PLCL2: variants seen among roughly 807,000 people sequenced by gnomAD.
PLCL2 encodes the protein inactive phospholipase C-like protein 2.
Under a neutral mutation model 79.6 loss-of-function variants are expected in PLCL2, and 4 were observed. The ratio of observed to expected loss-of-function variants is 0.05; its 90% confidence interval spans 0.02 to 0.11. The LOEUF (loss-of-function observed/expected upper bound fraction) is 0.11. PLCL2 is among the 10% of genes least tolerant of loss of function. The probability of loss-of-function intolerance (pLI) is 1.00; values close to 1 mark genes in which losing one functional copy is unlikely to be tolerated. For synonymous variants in PLCL2, 484 were observed against 457.7 expected (o/e 1.06, Z -0.73); for missense variants, 895 against 1,291.0 (o/e 0.69, Z 4.70).
chr3:16,890,720 TA>T (rs1055498251), intron 1 of PLCL2, among the ~76,000 whole-genome samples: 154 of 152,342 alleles, frequency 1.0e-3, no homozygotes, highest in African/African-American at 3.6e-3. Flanking sequence ...CTGCGACTGT[TA>T]TGTTTGTAAG....
In PLCL2 at chr3:17,009,844, T is replaced by G; in HGVS notation, c.498T>G (p.Asp166Glu). ...TTTATCATAGGTACTTTTTACTGGA[T>G]GCTGACATGCAGAGCCTAAGGTGGG... ...SRIYHRYFLL[D>E]ADMQSLRWEP... is the part of the protein sequence containing the mutation. Residue 166 changes from aspartate to glutamate, a missense_variant, in exon 2 of 6, where the codon GAT (aspartate) becomes GAG (glutamate). By Grantham distance (45) the Asp-to-Glu change is conservative (BLOSUM62 2). Transcript: ENST00000615277. This position sits in a 1 kb window ranked among gnomAD's most constrained non-coding sequence, Gnocchi z 4.0. 1 of 1,613,872 alleles carries G rather than the reference T, an allele frequency of 6.2e-7. No homozygotes were observed.
chr3:16,989,499 C>G (rs977848777), intron 1 of PLCL2, among the ~76,000 whole-genome samples: 3 of 152,038 alleles, frequency 2.0e-5, no homozygotes, highest in Non-Finnish European at 2.9e-5. Flanking sequence ...ATCTCCATAA[C>G]TTTTATATTG....
intron 1 of PLCL2, among the ~76,000 whole-genome samples, chr3:16,993,204 A>G (rs2064121355): frequency 6.6e-6 from 1 of 152,200 alleles, no homozygotes; most frequent in African/African-American, 2.4e-5. Context: ...CATATGTTTC[A>G]GTTTGCCCAG....
chr3:16,969,237 C>T (rs548513732), intron 1 of PLCL2, among the ~76,000 whole-genome samples: 1 of 152,044 alleles, frequency 6.6e-6, no homozygotes, highest in Non-Finnish European at 1.5e-5. Flanking sequence ...GTTGTGGTAT[C>T]AGGATGATGC....
At chr3:17,083,712 C>T (rs548554249) in intron 5 of PLCL2, among the ~76,000 whole-genome samples, 1 of 152,258 alleles carries the variant, frequency 6.6e-6, no homozygotes, top group South Asian at 2.1e-4. Flanking sequence ...GATTGTGACA[C>T]TAGGACCTAC....
At chr3:16,952,063 A>G (rs911152762) in intron 1 of PLCL2, among the ~76,000 whole-genome samples, 29 of 151,936 alleles carry the variant, frequency 1.9e-4, no homozygotes, top group African/African-American at 7.0e-4. Context: ...ACTTACAAAT[A>G]TATCATCCAT....
chr3:16,888,670 G>A (rs1221773673), intron 1 of PLCL2, among the ~76,000 whole-genome samples: 1 of 152,020 alleles, frequency 6.6e-6, no homozygotes, highest in Non-Finnish European at 1.5e-5. Flanking sequence ...AGTTAATTTG[G>A]TTAATTGTTC....
chr3:16,927,313 C>A (rs1221071699), intron 1 of PLCL2, among the ~76,000 whole-genome samples: 1 of 151,774 alleles, frequency 6.6e-6, no homozygotes, highest in East Asian at 1.9e-4. Flanking sequence ...TAATATTATG[C>A]TACAAATGTG....
chr3:16,961,998 G>A (rs1263296705), intron 1 of PLCL2, among the ~76,000 whole-genome samples: 2 of 152,114 alleles, frequency 1.3e-5, no homozygotes, highest in African/African-American at 4.8e-5. Context: ...CCTGCCGGGA[G>A]GAATCTGGGA....
At chr3:16,995,728 C>G (rs529096860) in intron 1 of PLCL2, among the ~76,000 whole-genome samples, 3 of 152,296 alleles carry the variant, frequency 2.0e-5, no homozygotes, top group African/African-American at 7.2e-5. Flanking sequence ...ATAATCTGCT[C>G]TTTTTTGTGA....
chr3:16,921,608 G>A (rs1029408046), intron 1 of PLCL2, among the ~76,000 whole-genome samples: 38 of 152,188 alleles, frequency 2.5e-4, no homozygotes, highest in African/African-American at 9.2e-4. Flanking sequence ...AACAGGAGAT[G>A]TACTGCTCCC....
intron 5 of PLCL2, among the ~76,000 whole-genome samples, chr3:17,076,405 A>G (rs2065108747): frequency 6.6e-6 from 1 of 152,090 alleles, no homozygotes; most frequent in Admixed American, 6.5e-5. Context: ...CCTTTCTACC[A>G]TCTCCTTCTG....
chr3:17,010,087 G>T lies in PLCL2; in HGVS notation c.741G>T (p.Arg247=), dbSNP rs757644409. 1 of 1,613,952 alleles carries T rather than the reference G, an allele frequency of 6.2e-7. No individual in the cohort carries two copies. Among genetic ancestry groups the T allele is most frequent in the East Asian group, 2.2e-5 (1 of 44,880 alleles). ...DVANIWVTGL[R]YLISYGKHTL... ...CAAACATCTGGGTTACAGGACTGCG[G>T]TACCTAATTTCTTATGGAAAACATA... is the stretch of plus-strand genomic sequence containing the variant. The change falls in exon 2 of 6, where the codon CGG becomes CGT. Residue 247 remains arginine (R), a synonymous_variant. Transcript: ENST00000615277. This position sits in a 1 kb window ranked among gnomAD's most constrained non-coding sequence, Gnocchi z 5.8.
intron 3 of PLCL2, among the ~76,000 whole-genome samples, chr3:17,038,029 T>C (rs892704109): frequency 6.6e-6 from 1 of 152,206 alleles, no homozygotes; most frequent in Non-Finnish European, 1.5e-5. Flanking sequence ...ATAAAAGGCA[T>C]ATCTGGTTTC....
intron 1 of PLCL2, among the ~76,000 whole-genome samples, chr3:16,989,433 G>C (rs548853742): frequency 6.6e-6 from 1 of 152,258 alleles, no homozygotes; most frequent in East Asian, 1.9e-4. Context: ...TCCAAATTGA[G>C]ATGTGCTGTA....
intron 1 of PLCL2, among the ~76,000 whole-genome samples, chr3:17,000,476 A>C (rs148631922): frequency 0.012 from 1,763 of 152,242 alleles, 29 homozygotes; most frequent in Admixed American, 0.047. Flanking sequence ...CTCTTTTGAA[A>C]TATACAATAA....
At chr3:16,891,111 A>G (rs1696338906) in intron 1 of PLCL2, among the ~76,000 whole-genome samples, 2 of 152,188 alleles carry the variant, frequency 1.3e-5, no homozygotes, top group African/African-American at 4.8e-5. Flanking sequence ...CCCCCAGGCC[A>G]CATGTTGCGT....
intron 3 of PLCL2, among the ~76,000 whole-genome samples, chr3:17,038,457 C>T (rs2064682362): frequency 6.6e-6 from 1 of 152,178 alleles, no homozygotes; most frequent in African/African-American, 2.4e-5. Context: ...CTTGGCCTTG[C>T]ATTCTAGTGA....
At chr3:16,962,505 G>T in intron 1 of PLCL2, among the ~76,000 whole-genome samples, 1 of 149,672 alleles carries the variant, frequency 6.7e-6, no homozygotes, top group African/African-American at 2.5e-5. Context: ...AGAGTCAATT[G>T]TTTTTAATAA....
Sources: gnomAD v4.1 joint callset for allele counts (sites outside exome capture counted in the v4.1 genomes callset) on GRCh38, gnomAD v4.1.1 for gene constraint, Gnocchi (gnomAD v3.1) non-coding constraint, MANE v1.5 for transcripts, NCBI Gene and HGNC (gene_info 2026-07-23, HGNC 2026-07-21) for gene names.